PCDHA3: variants seen among roughly 807,000 people sequenced by gnomAD.
The protein encoded by PCDHA3 is protocadherin alpha 3.
PCDHA3 carries 41 observed loss-of-function variants against 62.2 expected under a neutral mutation model. The observed-to-expected ratio is 0.66, with a 90% CI of 0.51 to 0.86. The LOEUF (loss-of-function observed/expected upper bound fraction) is 0.86, where lower values mean the gene tolerates loss of function less well. PCDHA3 is among the 40% of genes least tolerant of loss of function. The pLI, the probability that PCDHA3 is intolerant of heterozygous loss-of-function variation, is 0.00. For missense variants in PCDHA3, 1,304 were observed against 1,241.2 expected (o/e 1.05, Z -0.76); for synonymous variants, 640 against 555.4 (o/e 1.15, Z -2.14).
intron 1 of PCDHA3, chr5:140,814,336 G>A (rs1200582823): frequency 6.6e-6 from 1 of 151,804 alleles, no homozygotes; most frequent in African/African-American, 2.4e-5. Context: ...CCCACTGGAA[G>A]GTCTTCTGGG....
chr5:140,920,821 C>T (rs1389717155), intron 1 of PCDHA3, among the ~76,000 whole-genome samples: 11 of 146,336 alleles, frequency 7.5e-5, no homozygotes, highest in South Asian at 2.1e-4. Flanking sequence ...TCCAGCCTGG[C>T]GACGGAGCAA....
Position 140,802,225 on chromosome 5 carries a change from T to C in PCDHA3, c.1028T>C (p.Ile343Thr). ...ACAGTTCTACTCGAAATTGTGGACA[T>C]CAATGATAATGTACCTGAGTTAGTT... ...HCTVLLEIVD[I>T]NDNVPELVIQ... is the part of the protein sequence containing the mutation. Residue 343 changes from isoleucine to threonine, a missense_variant, in exon 1 of 4, where the codon ATC becomes ACC. Physicochemically the swap from Ile to Thr is moderately conservative, Grantham distance 89. Transcript: ENST00000522353. 6.2e-7 allele frequency: 1 copy of C among 1,614,220 alleles called. No homozygotes were observed. Among genetic ancestry groups the C allele is most frequent in the South Asian group, 1.1e-5 (1 of 91,092 alleles).
intron 3 of PCDHA3, among the ~76,000 whole-genome samples, chr5:140,985,692 C>T (rs1208331191): frequency 6.6e-6 from 1 of 151,060 alleles, no homozygotes; most frequent in Non-Finnish European, 1.5e-5. Flanking sequence ...CGCTAATCCT[C>T]GTTCATATGT....
chr5:140,969,037 C>T (rs1554231375), intron 1 of PCDHA3: 1 of 1,614,158 alleles, frequency 6.2e-7, no homozygotes, highest in South Asian at 1.1e-5. Flanking sequence ...CAGAACTGTA[C>T]AAACAAGCCA....
At chr5:140,985,217 G>A (rs1196051994) in intron 3 of PCDHA3, among the ~76,000 whole-genome samples, 3 of 152,206 alleles carry the variant, frequency 2.0e-5, no homozygotes, top group Admixed American at 1.3e-4. Context: ...GATTACAGGC[G>A]TGAGCCACCG....
At chr5:140,871,014 C>G (rs1554164974) in intron 1 of PCDHA3, 1 of 1,613,178 alleles carries the variant, frequency 6.2e-7, no homozygotes, top group East Asian at 2.2e-5. Context: ...GTGCCCTGGA[C>G]GAGGCAGACT....
At chr5:140,885,236 T>C (rs2060525853) in intron 1 of PCDHA3, among the ~76,000 whole-genome samples, 1 of 152,166 alleles carries the variant, frequency 6.6e-6, no homozygotes, top group Non-Finnish European at 1.5e-5. Context: ...CTGCTTTCAA[T>C]TTTTTATTTG....
Position 140,836,203 on chromosome 5 carries a change from T to G in PCDHA3, c.2394+32612T>G, listed in dbSNP as rs2150255288. The G allele has an allele frequency of 4.3e-6, 7 of 1,613,840 alleles. 1 individual carries two copies. The highest frequency in any genetic ancestry group is 1.7e-5 in the Admixed American group (1 of 60,022). On this transcript the variant is annotated intron_variant, in intron 1 of 3. Coordinates refer to ENST00000522353, the MANE Select transcript of PCDHA3 (RefSeq NM_018906.3). Reference sequence around the variant, plus strand: ...GCTGACTCAGGCTACAACGCGTGGCTTTCGTATGAGTTGCAACCGGTGGCG... The same window carrying G: ...GCTGACTCAGGCTACAACGCGTGGCGTTCGTATGAGTTGCAACCGGTGGCG...
At chr5:140,805,660 A>G (rs1356388954) in intron 1 of PCDHA3, 3 of 845,886 alleles carry the variant, frequency 3.5e-6, no homozygotes, top group Non-Finnish European at 4.3e-6. Flanking sequence ...TTCATTCCCC[A>G]TTAATACCCA....
intron 1 of PCDHA3, chr5:140,882,667 C>T (rs576133039): frequency 1.2e-6 from 2 of 1,614,160 alleles, no homozygotes; most frequent in Non-Finnish European, 1.7e-6. Flanking sequence ...CGCCCATATT[C>T]CCTGAAAGCA....
chr5:140,885,041 T>C (rs2060440056), intron 1 of PCDHA3, among the ~76,000 whole-genome samples: 1 of 152,250 alleles, frequency 6.6e-6, no homozygotes, highest in Non-Finnish European at 1.5e-5. Flanking sequence ...ATTTTTAGTT[T>C]AATGTATACA....
At position 140,843,837 on chromosome 5, in the gene PCDHA3, T is replaced by C. The variant is rs1433979959; in HGVS notation, c.2394+40246T>C. ...GTGAAAATTTAAACATTGTTTAGTT[T>C]TTAGAAACCTTTTATAATTAATTGA... On this transcript the variant is annotated intron_variant, in intron 1 of 3. Coordinates refer to ENST00000522353, the MANE Select transcript of PCDHA3 (RefSeq NM_018906.3). The C allele has an allele frequency of 3.8e-5, 40 of 1,048,116 alleles. 5 individuals are homozygous for C. The Admixed American group carries it at 1.1e-3, about 28-fold the overall frequency. 64.9% of individuals were successfully genotyped at this position (1,048,116 alleles called of 1,614,324 possible). A position where few individuals can be genotyped will look rare whatever the true frequency, so the allele number is the denominator to read the frequency against.
intron 1 of PCDHA3, among the ~76,000 whole-genome samples, chr5:140,872,375 C>A (rs2053630195): frequency 6.6e-6 from 1 of 152,002 alleles, no homozygotes; most frequent in Admixed American, 6.6e-5. Flanking sequence ...GCCTGTAATC[C>A]CAGCTATTTG....
At chr5:140,822,357 T>C in intron 1 of PCDHA3, 1 of 1,614,132 alleles carries the variant, frequency 6.2e-7, no homozygotes, top group Non-Finnish European at 8.5e-7. Context: ...TAGAGCTGGT[T>C]TTGAGGAAAT....
At chr5:140,927,220 A>T (rs1554204179) in intron 1 of PCDHA3, 1 of 1,614,090 alleles carries the variant, frequency 6.2e-7, no homozygotes, top group Admixed American at 1.7e-5. Flanking sequence ...GCTGCACAAG[A>T]TTCGGATTCA....
At chr5:140,848,429 G>T (rs1781516011) in intron 1 of PCDHA3, 1 of 1,456,608 alleles carries the variant, frequency 6.9e-7, no homozygotes, top group Admixed American at 1.9e-5. Flanking sequence ...TGGGACTGAC[G>T]AAATCAGATG....
At chr5:140,850,650 A>G in intron 1 of PCDHA3, 1 of 1,598,426 alleles carries the variant, frequency 6.3e-7, no homozygotes, top group Non-Finnish European at 8.6e-7. Context: ...GCTGCTGTAC[A>G]CTGTGCTGCG....
At chr5:140,829,867 G>T (rs2150176588) in intron 1 of PCDHA3, 1 of 1,613,948 alleles carries the variant, frequency 6.2e-7, no homozygotes, top group Non-Finnish European at 8.5e-7. Flanking sequence ...AAGTGGTGGC[G>T]AAGGTGCGCG....
chr5:140,909,214 T>C (rs1394994856), intron 1 of PCDHA3, among the ~76,000 whole-genome samples: 2 of 152,232 alleles, frequency 1.3e-5, no homozygotes, highest in African/African-American at 2.4e-5. Context: ...AGAGTTGATA[T>C]ACCCCTGAGG....
Sources: allele counts gnomAD v4.1 joint callset (sites outside exome capture counted in the v4.1 genomes callset), GRCh38; gene constraint gnomAD v4.1.1; transcripts MANE v1.5; gene names NCBI Gene and HGNC (gene_info 2026-07-23, HGNC 2026-07-21).